Variants in HDAC9 observed in about 807,000 individuals in gnomAD.
HDAC9 encodes the protein MEF-2 interacting transcription repressor (MITR) protein.
HDAC9 carries 41 observed loss-of-function variants against 139.4 expected under a neutral mutation model. That is an observed-to-expected ratio of 0.29 (90% CI 0.23 to 0.38). The LOEUF is 0.38. Among genes scored for constraint, HDAC9 ranks in the 10% least tolerant of loss-of-function variants. The pLI, the probability that HDAC9 is intolerant of heterozygous loss-of-function variation, is 1.00. For missense variants in HDAC9, 1,147 were observed against 1,297.0 expected (o/e 0.88, Z 1.78); for synonymous variants, 517 against 476.2 (o/e 1.09, Z -1.12).
At chr7:18,728,402 A>AACACACACACAC (rs56281287) in intron 13 of HDAC9, among the ~76,000 whole-genome samples, 1 of 145,554 alleles carries the variant, frequency 6.9e-6, no homozygotes, top group East Asian at 2.1e-4. Context: ...TTAAGTGTGG[A>AACACACACACAC]ACACACACAC....
chr7:18,808,604 T>G (rs1347094713), intron 17 of HDAC9, among the ~76,000 whole-genome samples: 2 of 151,778 alleles, frequency 1.3e-5, no homozygotes, highest in Non-Finnish European at 2.9e-5. Flanking sequence ...AGATAAAAAA[T>G]TTGCATACTG....
At chr7:18,964,538 T>TA (rs1277906387) in intron 24 of HDAC9, among the ~76,000 whole-genome samples, 1 of 152,154 alleles carries the variant, frequency 6.6e-6, no homozygotes, top group Non-Finnish European at 1.5e-5. Context: ...AATCGAAAAG[T>TA]AAGAGTATAT....
intron 2 of HDAC9, among the ~76,000 whole-genome samples, chr7:18,518,580 C>G (rs1032967839): frequency 5.9e-5 from 9 of 152,160 alleles, no homozygotes; most frequent in Admixed American, 2.0e-4. Flanking sequence ...CCTAGAGCCA[C>G]AGCACACAAT....
rs1182200948 is a variant in HDAC9, at chr7:18,994,995, TG to T, written c.3171-1026del. On this transcript the variant is annotated intron_variant, in intron 25 of 25. Transcript: ENST00000686413. The stretch of plus-strand genomic sequence containing the variant: ...GCAAAGGCATAACTCTGCATTTGTG[TG>T]GCAACATGAGTTTATGCATGTTAGA... Among the ~76,000 whole-genome samples, 4 of 152,336 alleles carry T rather than the reference TG, an allele frequency of 2.6e-5. No individual in the cohort carries two copies. The East Asian group carries it at 7.7e-4, about 29-fold the overall frequency.
intron 13 of HDAC9, among the ~76,000 whole-genome samples, chr7:18,732,060 A>G (rs1317977868): frequency 6.6e-6 from 1 of 152,124 alleles, no homozygotes; most frequent in East Asian, 1.9e-4. Flanking sequence ...GGATTTCTGT[A>G]TGTTGGTCAG....
intron 2 of HDAC9, among the ~76,000 whole-genome samples, chr7:18,502,828 T>G (rs1318642450): frequency 6.6e-6 from 1 of 152,180 alleles, no homozygotes; most frequent in Non-Finnish European, 1.5e-5. Context: ...TGTGGCCTCA[T>G]GCCTTACAAG....
At chr7:18,819,684 A>G (rs1308861144) in intron 17 of HDAC9, among the ~76,000 whole-genome samples, 1 of 152,238 alleles carries the variant, frequency 6.6e-6, no homozygotes, top group African/African-American at 2.4e-5. Context: ...CAACAGCAAG[A>G]AAGTAGGAAT....
intron 1 of HDAC9, among the ~76,000 whole-genome samples, chr7:18,290,954 C>T (rs596103): frequency 0.13 from 20,088 of 152,074 alleles, 2,361 homozygotes; most frequent in African/African-American, 0.32. Context: ...CTTTTAACTC[C>T]TTGATTATCA....
At chr7:18,131,681 G>A (rs113495260) in intron 1 of HDAC9, among the ~76,000 whole-genome samples, 200 of 152,202 alleles carry the variant, frequency 1.3e-3, no homozygotes, top group Non-Finnish European at 2.5e-3. Flanking sequence ...TTTCTGTTAA[G>A]CAAAGGACAG....
rs150852521 is a variant in HDAC9 at position 18,791,283 on chromosome 7, C to A, written c.2215-2062C>A. On this transcript the variant is annotated intron_variant, in intron 16 of 25. Transcript: ENST00000686413. The stretch of plus-strand genomic sequence containing the variant: ...ATGGTTCTTGAGTCACCGAATACAT[C>A]TTTTGGAATTTATTTATTTTATTTT... Among the ~76,000 whole-genome samples, 286 of 152,164 alleles carry A rather than the reference C, an allele frequency of 1.9e-3. 1 individual carries two copies. Among genetic ancestry groups the A allele is most frequent in the African/African-American group, 6.6e-3 (274 of 41,446 alleles).
intron 12 of HDAC9, among the ~76,000 whole-genome samples, chr7:18,708,352 G>T (rs1013855142): frequency 1.3e-5 from 2 of 152,174 alleles, no homozygotes; most frequent in Non-Finnish European, 2.9e-5. Flanking sequence ...GGCCAGCTGA[G>T]GCTGAAGACA....
intron 25 of HDAC9, among the ~76,000 whole-genome samples, chr7:18,978,034 C>G (rs1485353998): frequency 2.6e-5 from 4 of 151,814 alleles, no homozygotes; most frequent in African/African-American, 9.7e-5. Context: ...TCAGTATTGT[C>G]CCCCTACTCA....
At chr7:18,861,154 C>G (rs967498674) in intron 21 of HDAC9, among the ~76,000 whole-genome samples, 1 of 152,126 alleles carries the variant, frequency 6.6e-6, no homozygotes, top group Admixed American at 6.5e-5. Context: ...TATTAAAATT[C>G]ACGGTATTTC....
chr7:18,516,755 G>A, intron 2 of HDAC9, among the ~76,000 whole-genome samples: 1 of 151,766 alleles, frequency 6.6e-6, no homozygotes, highest in East Asian at 1.9e-4. Context: ...CAGCTACTTG[G>A]GAGGCTGAGG....
At chr7:18,410,406 CAT>C (rs758512124) in intron 1 of HDAC9, among the ~76,000 whole-genome samples, 48 of 152,248 alleles carry the variant, frequency 3.2e-4, no homozygotes, top group Middle Eastern at 6.8e-3. Context: ...TGACATCAGT[CAT>C]AAAAATTTTG....
chr7:18,868,985 A>T (rs1798699712), intron 21 of HDAC9, among the ~76,000 whole-genome samples: 1 of 152,102 alleles, frequency 6.6e-6, no homozygotes, highest in Non-Finnish European at 1.5e-5. Context: ...ACCTTGTCTT[A>T]TGCATCTCTT....
At position 18,706,052 on chromosome 7, in the gene HDAC9, C is replaced by A. The variant is rs552609000; in HGVS notation, c.1732-21528C>A. ...ACTGACCCACAGACGTGAATCCTTT[C>A]CCCAGTCTTTCCCACATGAATAGAA... On this transcript the variant is annotated intron_variant, in intron 12 of 25. Transcript: ENST00000686413. Among the ~76,000 whole-genome samples the A allele has an allele frequency of 3.3e-5, 5 of 151,812 alleles. No homozygotes were observed. The East Asian group carries it at 9.7e-4, about 29-fold the overall frequency.
chr7:18,957,831 C>T (rs1783262586), intron 24 of HDAC9, among the ~76,000 whole-genome samples: 1 of 152,142 alleles, frequency 6.6e-6, no homozygotes, highest in East Asian at 1.9e-4. Flanking sequence ...TTCAGCCCAC[C>T]TTCTAGCCCA....
intron 1 of HDAC9, among the ~76,000 whole-genome samples, chr7:18,348,187 T>C (rs1228388750): frequency 6.6e-6 from 1 of 152,204 alleles, no homozygotes; most frequent in African/African-American, 2.4e-5. Flanking sequence ...GTAATTCTTA[T>C]GATCAGGAGA....
Sources: allele counts gnomAD v4.1 joint callset (sites outside exome capture counted in the v4.1 genomes callset), GRCh38; gene constraint gnomAD v4.1.1; transcripts MANE v1.5; gene names NCBI Gene and HGNC (gene_info 2026-07-23, HGNC 2026-07-21).